RGS5: variants seen among roughly 807,000 people sequenced by gnomAD.
RGS5 encodes regulator of G-protein signalling 5.
Under a neutral mutation model 18.9 loss-of-function variants are expected in RGS5, and 20 were observed. That is an observed-to-expected ratio of 1.06 (90% CI 0.74 to 1.54). The LOEUF (loss-of-function observed/expected upper bound fraction) is 1.54. Among genes scored for constraint, RGS5 ranks in the 40% most tolerant of loss-of-function variants. The pLI is 0.00. For synonymous variants in RGS5, 57 were observed against 76.2 expected (o/e 0.75, Z 1.31); for missense variants, 201 against 211.8 (o/e 0.95, Z 0.32).
chr1:163,235,576 T>C (rs1162052457), intron 2 of RGS5, among the ~76,000 whole-genome samples: 1 of 152,286 alleles, frequency 6.6e-6, no homozygotes, highest in East Asian at 1.9e-4. Context: ...CATCTCTTAT[T>C]TTTCCCCATC....
chr1:163,259,986 G>A (rs1285901597), intron 2 of RGS5: 1 of 152,196 alleles, frequency 6.6e-6, no homozygotes, highest in Non-Finnish European at 1.5e-5. Context: ...TTCCAAAATA[G>A]AACCCTGAGG....
intron 1 of RGS5, among the ~76,000 whole-genome samples, chr1:163,169,117 G>T (rs1658189290): frequency 6.6e-6 from 1 of 151,084 alleles, no homozygotes; most frequent in African/African-American, 2.4e-5. Context: ...GTGCTGTTTG[G>T]TTTTTTGTCC....
intron 2 of RGS5, among the ~76,000 whole-genome samples, chr1:163,250,000 C>T (rs1419594729): frequency 6.6e-6 from 1 of 152,142 alleles, no homozygotes; most frequent in Admixed American, 6.5e-5. Flanking sequence ...AGGTACATCA[C>T]TGCCACAGTT....
upstream of RGS5, among the ~76,000 whole-genome samples, chr1:163,220,031 A>G (rs577712457): frequency 6.6e-6 from 1 of 152,302 alleles, no homozygotes; most frequent in South Asian, 2.1e-4. Context: ...CCCATCAGCA[A>G]TCTATAAAAC....
chr1:163,169,969 C>G (rs1411709727), intron 1 of RGS5, among the ~76,000 whole-genome samples: 1 of 152,096 alleles, frequency 6.6e-6, no homozygotes, highest in Admixed American at 6.6e-5. Context: ...TAGATATGGT[C>G]AGAATTCTGG....
chr1:163,275,287 G>A (rs147194294), intron 2 of RGS5, among the ~76,000 whole-genome samples: 7 of 152,080 alleles, frequency 4.6e-5, no homozygotes, highest in African/African-American at 1.7e-4. Context: ...ATCAACCTAG[G>A]ACATTCAATA....
chr1:163,249,528 C>T (rs545430147), intron 2 of RGS5, among the ~76,000 whole-genome samples: 2 of 152,362 alleles, frequency 1.3e-5, no homozygotes, highest in East Asian at 1.9e-4. Context: ...CTGTGGCTCA[C>T]GCCTATAATC....
chr1:163,243,845 T>C (rs1473351927), intron 2 of RGS5, among the ~76,000 whole-genome samples: 1 of 151,402 alleles, frequency 6.6e-6, no homozygotes, highest in African/African-American at 2.4e-5. Flanking sequence ...CACATTGGTT[T>C]GGCAAAGACT....
At chr1:163,190,610 T>TTA (rs1279460637) in intron 1 of RGS5, among the ~76,000 whole-genome samples, 5 of 151,886 alleles carry the variant, frequency 3.3e-5, no homozygotes, top group Non-Finnish European at 5.9e-5. Context: ...CTATAAACAG[T>TTA]GCTCGACTGA....
chr1:163,165,041 C>A (rs1356395768), intron 2 of RGS5, among the ~76,000 whole-genome samples: 2 of 152,140 alleles, frequency 1.3e-5, no homozygotes, highest in African/African-American at 2.4e-5. Flanking sequence ...ATTTATTGAG[C>A]CCTTACCTGA....
At chr1:163,182,482 T>C (rs1658892918) in intron 1 of RGS5, among the ~76,000 whole-genome samples, 1 of 152,198 alleles carries the variant, frequency 6.6e-6, no homozygotes, top group South Asian at 2.1e-4. Flanking sequence ...AATTGAGATA[T>C]TTCCCATGCT....
intron 2 of RGS5, among the ~76,000 whole-genome samples, chr1:163,287,813 C>T (rs1649181796): frequency 6.6e-6 from 1 of 152,182 alleles, no homozygotes; most frequent in Non-Finnish European, 1.5e-5. Flanking sequence ...TTACATTTCA[C>T]CACAGCTTTC....
At position 163,156,042 on chromosome 1, in the gene RGS5, A is replaced by T. The variant is rs141128377; in HGVS notation, c.218-3326T>A. On this transcript the variant is annotated intron_variant, in intron 3 of 4. Transcript: ENST00000313961. Reference sequence around the variant, plus strand: ...ACTTTGAAAATTAAAGGAGCATTAGACAAATCCAAGTCAGTTTGCTACAAA... The same window carrying T: ...ACTTTGAAAATTAAAGGAGCATTAGTCAAATCCAAGTCAGTTTGCTACAAA... 2.6e-5 allele frequency among the ~76,000 whole-genome samples: 4 copies of T among 152,338 alleles called. No individual in the cohort carries two copies. In the East Asian group the frequency reaches 5.8e-4, roughly 22 times the overall value.
intron 2 of RGS5, among the ~76,000 whole-genome samples, chr1:163,299,807 T>C (rs1424288284): frequency 6.6e-6 from 1 of 152,218 alleles, no homozygotes; most frequent in African/African-American, 2.4e-5. Flanking sequence ...ATCAAGTAGA[T>C]ATTATTCTTT....
At chr1:163,193,955 C>A (rs1036692644) in intron 1 of RGS5, among the ~76,000 whole-genome samples, 2 of 152,122 alleles carry the variant, frequency 1.3e-5, no homozygotes, top group East Asian at 3.9e-4. Context: ...TGGTGCCACA[C>A]CCCCAAAGTC....
intron 1 of RGS5, among the ~76,000 whole-genome samples, chr1:163,311,019 C>A (rs1380288648): frequency 6.6e-6 from 1 of 152,154 alleles, no homozygotes; most frequent in African/African-American, 2.4e-5. Flanking sequence ...ACCCCATAAT[C>A]CAATTACCTT....
At position 163,147,137 on chromosome 1, in the gene RGS5, A is replaced by C; in HGVS notation, c.*205T>G. 2.4e-6 allele frequency: 1 copy of C among 409,792 alleles called. No homozygotes were observed. The allele number at this position is 409,792 out of a possible 1,614,324, so 25.4% of individuals were successfully genotyped here. A position where few individuals can be genotyped will look rare whatever the true frequency, so the allele number is the denominator to read the frequency against. ...CTTAATTAATAACAGGGCAGGAAGA[A>C]TTGAGTGGGGAAAGAAGGCCTTCGG... is the stretch of plus-strand genomic sequence containing the variant. On this transcript the variant is annotated 3_prime_UTR_variant, in exon 5 of 5. Coordinates refer to ENST00000313961, the MANE Select transcript of RGS5 (RefSeq NM_003617.4).
In RGS5 at chr1:163,194,021, G is replaced by T. The variant is rs186405456; in HGVS notation, c.44+8771C>A. Among the ~76,000 whole-genome samples, 8 of 152,176 alleles carry T rather than the reference G, an allele frequency of 5.3e-5. No individual in the cohort carries two copies. In the East Asian group the frequency reaches 1.5e-3, roughly 29 times the overall value. On this transcript the variant is annotated intron_variant, in intron 1 of 4. Coordinates refer to ENST00000313961, the MANE Select transcript of RGS5 (RefSeq NM_003617.4). ...CCCTCAGTGACATTATACACTTGAA[G>T]AGGAAAAAATGAAGTTAACTGTAAA...
At chr1:163,184,035 C>T (rs752528335) in intron 1 of RGS5, among the ~76,000 whole-genome samples, 6 of 152,116 alleles carry the variant, frequency 3.9e-5, no homozygotes, top group Non-Finnish European at 8.8e-5. Flanking sequence ...ATGCAGTCTG[C>T]CCTGTGGTTC....
Sources: allele counts gnomAD v4.1 joint callset (sites outside exome capture counted in the v4.1 genomes callset), GRCh38; gene constraint gnomAD v4.1.1; transcripts MANE v1.5; gene names NCBI Gene and HGNC (gene_info 2026-07-23, HGNC 2026-07-21).